Variants in CUL2 observed in about 807,000 individuals in gnomAD.
CUL2 encodes cullin 2.
In CUL2, 22 loss-of-function variants were observed where a neutral mutation model predicts 110.2. The observed-to-expected ratio is 0.20, with a 90% CI of 0.14 to 0.28. The LOEUF (loss-of-function observed/expected upper bound fraction) is 0.28. CUL2 is among the 10% of genes least tolerant of loss of function. The probability of loss-of-function intolerance (pLI) is 1.00; values close to 1 mark genes in which losing one functional copy is unlikely to be tolerated. For missense variants in CUL2, 631 were observed against 905.5 expected (o/e 0.70, Z 3.89); for synonymous variants, 279 against 293.2 (o/e 0.95, Z 0.49).
chr10:35,023,781 C>G (rs2085263465), intron 17 of CUL2, among the ~76,000 whole-genome samples: 1 of 152,052 alleles, frequency 6.6e-6, no homozygotes, highest in African/African-American at 2.4e-5. Flanking sequence ...ATCTAAAACC[C>G]TGGTCCAGCA....
chr10:35,045,796 T>A lies in CUL2; in HGVS notation c.507-928A>T, dbSNP rs150187182. Among the ~76,000 whole-genome samples, 595 of 152,274 alleles carry A rather than the reference T, an allele frequency of 3.9e-3. 7 individuals are homozygous for A. The highest frequency in any genetic ancestry group is 0.014 in the African/African-American group (562 of 41,566). On this transcript the variant is annotated intron_variant, in intron 6 of 20. Coordinates refer to ENST00000374749, the MANE Select transcript of CUL2 (RefSeq NM_003591.4). ...ACAGTAAAATAATCTAGCTCTAAAT[T>A]GGGATTTTGTGACTCTAGTACCAAT...
intron 1 of CUL2, among the ~76,000 whole-genome samples, chr10:35,113,718 T>G (rs982152380): frequency 2.6e-5 from 4 of 151,128 alleles, no homozygotes; most frequent in Non-Finnish European, 5.9e-5. Flanking sequence ...TTCTTTTTTA[T>G]TTTTTTGAGA....
chr10:35,038,529 A>AAAAAC (rs2085691761), intron 9 of CUL2, among the ~76,000 whole-genome samples: 1 of 147,956 alleles, frequency 6.8e-6, no homozygotes, highest in African/African-American at 2.5e-5. Flanking sequence ...CTGTCTCAAA[A>AAAAAC]AAAAAAAAAA....
intron 1 of CUL2, among the ~76,000 whole-genome samples, chr10:35,103,544 C>T (rs913766006): frequency 1.3e-5 from 2 of 151,816 alleles, no homozygotes; most frequent in Non-Finnish European, 2.9e-5. Flanking sequence ...AGGATGGTCT[C>T]GATCTCCTGA....
chr10:35,106,648 T>C (rs1270721504), intron 1 of CUL2, among the ~76,000 whole-genome samples: 3 of 151,972 alleles, frequency 2.0e-5, no homozygotes, highest in African/African-American at 7.2e-5. Context: ...TTGTTGTTTA[T>C]AAGCCACCCA....
intron 5 of CUL2, among the ~76,000 whole-genome samples, chr10:35,051,639 G>C (rs1365011033): frequency 6.6e-6 from 1 of 152,120 alleles, no homozygotes; most frequent in African/African-American, 2.4e-5. Context: ...ACAAAAAATA[G>C]TGTCTCCTTG....
chr10:35,060,971 A>G lies in CUL2; in HGVS notation c.223-3T>C, dbSNP rs1371197745. ...TGTTCTTCTGACTCCAAAACTCTCT[A>G]TATAAAGAGGAAAAATATTTTTACT... On this transcript the variant is annotated splice_region_variant and splice_polypyrimidine_tract_variant and intron_variant, in intron 3 of 20. Transcript: ENST00000374749. 2 of 1,601,802 alleles carry G rather than the reference A, an allele frequency of 1.2e-6. No homozygotes were observed. The highest frequency in any genetic ancestry group is 8.5e-7 in the Non-Finnish European group (1 of 1,176,768).
At chr10:35,062,030 T>A (rs1183967756) in intron 3 of CUL2, among the ~76,000 whole-genome samples, 2 of 152,210 alleles carry the variant, frequency 1.3e-5, no homozygotes, top group African/African-American at 4.8e-5. Flanking sequence ...ATAAGGTAGT[T>A]GTTAAGTGAG....
chr10:35,019,462 G>A (rs989311487), intron 17 of CUL2, among the ~76,000 whole-genome samples: 7 of 152,166 alleles, frequency 4.6e-5, no homozygotes, highest in African/African-American at 1.4e-4. Flanking sequence ...AAAGACTGGG[G>A]AAGGGGTGGG....
chr10:35,080,350 T>C (rs1478736613), intron 1 of CUL2, among the ~76,000 whole-genome samples: 1 of 152,188 alleles, frequency 6.6e-6, no homozygotes, highest in Non-Finnish European at 1.5e-5. Flanking sequence ...ATGTTTTTTG[T>C]TGCACTAAGG....
Position 35,029,616 on chromosome 10 carries a change from TG to T in CUL2, c.1410del (p.Ser471AlafsTer10). 6.3e-7 allele frequency: 1 copy of T among 1,591,074 alleles called. No homozygotes were observed. ...TCTGTATACATCCGATGTAGCTTGC[TG>T]GTAAACTCATAACCACAGGCTTGCT... is the stretch of plus-strand genomic sequence containing the variant. ...KLKQACGYEF[T>X]SKLHRMYTDM... On this transcript the variant is annotated frameshift_variant, in exon 15 of 21. Coordinates refer to ENST00000374749, the MANE Select transcript of CUL2 (RefSeq NM_003591.4). LOFTEE classifies it high-confidence loss of function.
At position 35,044,652 on chromosome 10, in the gene CUL2, G is replaced by A. The variant is rs377244893; in HGVS notation, c.628C>T (p.Pro210Ser). The A allele has an allele frequency of 6.8e-6, 11 of 1,609,386 alleles. No homozygotes were observed. Among genetic ancestry groups the A allele is most frequent in the East Asian group, 4.5e-5 (2 of 44,736 alleles). The change falls in exon 8 of 21, where the codon CCC becomes TCC. Residue 210 changes from proline (P) to serine (S), a missense_variant. Transcript: ENST00000374749. ...TACTCTCCTGTTTCAGTCAGAAAGG[G>A]AGACTCAAAAATTTCCTGATAAAAC... is the stretch of plus-strand genomic sequence containing the variant. ...LKFYQEIFES[P>S]FLTETGEYYK... is the part of the protein sequence containing the mutation.
At chr10:35,103,393 C>T (rs1259540524) in intron 1 of CUL2, among the ~76,000 whole-genome samples, 10 of 144,780 alleles carry the variant, frequency 6.9e-5, no homozygotes, top group Admixed American at 2.2e-4. Context: ...GGCACGATCT[C>T]GACTCACTGC....
At chr10:35,040,104 C>A (rs1413572439) in intron 8 of CUL2, among the ~76,000 whole-genome samples, 1 of 151,940 alleles carries the variant, frequency 6.6e-6, no homozygotes, top group Non-Finnish European at 1.5e-5. Context: ...AGTGAGCCGA[C>A]ATCACGCCAC....
rs552022800 is a variant in CUL2, at chr10:35,083,215, A to G, written c.-23+6964T>C. Among the ~76,000 whole-genome samples the G allele has an allele frequency of 2.6e-5, 4 of 152,218 alleles. No individual in the cohort carries two copies. In the South Asian group the frequency reaches 8.3e-4, roughly 32 times the overall value. ...AAGCTATCTTCTATTTCCCACCGTC[A>G]GAAAATAGCAGTTATAAATAAAGGG... On this transcript the variant is annotated intron_variant, in intron 1 of 20. Transcript: ENST00000374749.
At position 35,013,344 on chromosome 10, in the gene CUL2, CA is replaced by C. The variant is rs71523352; in HGVS notation, c.1989+354del. On this transcript the variant is annotated intron_variant, in intron 19 of 20. Coordinates refer to ENST00000374749, the MANE Select transcript of CUL2 (RefSeq NM_003591.4). The stretch of plus-strand genomic sequence containing the variant: ...TGGGCGAGAGAGCAAGACTCCGTCT[CA>C]AAAAAAAAAAAAAAAATGAACTGGA... Among the ~76,000 whole-genome samples the C allele has an allele frequency of 5.4e-3, 449 of 83,682 alleles. 2 individuals carry two copies. The highest frequency in any genetic ancestry group is 0.021 in the Admixed American group (153 of 7,322). The allele number at this position is 83,682 out of a possible 152,430, so 54.9% of individuals were successfully genotyped here.
chr10:35,058,682 T>G (rs1258451910), intron 4 of CUL2, among the ~76,000 whole-genome samples: 1 of 152,220 alleles, frequency 6.6e-6, no homozygotes. Context: ...TTATATAAAA[T>G]GTAGATTTAC....
In CUL2 at chr10:35,044,887, C is replaced by T. The variant is rs376154529; in HGVS notation, c.507-19G>A. 27 of 1,563,882 alleles carry T rather than the reference C, an allele frequency of 1.7e-5. No individual in the cohort carries two copies. The African/African-American group carries it at 2.3e-4, about 13-fold the overall frequency. ...ACGATCACTAAAACAAGGTATAACA[C>T]AAAATATTCTTGAGAATACAAATTA... On this transcript the variant is annotated intron_variant, in intron 6 of 20. Coordinates refer to ENST00000374749, the MANE Select transcript of CUL2 (RefSeq NM_003591.4).
chr10:35,100,972 C>T (rs374072002), exon 2 of CUL2: 2 of 152,382 alleles, frequency 1.3e-5, no homozygotes, highest in East Asian at 3.9e-4. Context: ...TCGTCCATGT[C>T]CTTTGCCACC....
Sources: gnomAD v4.1 joint callset for allele counts (sites outside exome capture counted in the v4.1 genomes callset) on GRCh38, gnomAD v4.1.1 for gene constraint, MANE v1.5 for transcripts, NCBI Gene and HGNC (gene_info 2026-07-23, HGNC 2026-07-21) for gene names.